VPS39: variants seen among roughly 807,000 people sequenced by gnomAD.
VPS39 encodes the protein VPS39 subunit of HOPS complex.
In VPS39, 70 loss-of-function variants were observed where a neutral mutation model predicts 121.0. The ratio of observed to expected loss-of-function variants is 0.58; its 90% CI spans 0.48 to 0.71. The LOEUF (loss-of-function observed/expected upper bound fraction) is 0.71. Ranked by LOEUF, VPS39 falls within the 30% of genes least tolerant of loss-of-function variation. VPS39 has a pLI of 0.00. For missense variants in VPS39, 818 were observed against 1,051.5 expected (o/e 0.78, Z 3.07); for synonymous variants, 378 against 398.1 (o/e 0.95, Z 0.60).
Position 42,208,235 on chromosome 15 carries a change from G to T in VPS39, c.-82C>A. On this transcript the variant is annotated 5_prime_UTR_variant, in exon 1 of 25. Coordinates refer to ENST00000318006, the MANE Select transcript of VPS39 (RefSeq NM_015289.5). ...GGGGTCCGGAACGAGTCTGGGCTAA[G>T]GGTAGACCGGGATCCGGCCAGGAAC... is the stretch of plus-strand genomic sequence containing the variant. 1 of 1,515,194 alleles carries T rather than the reference G, an allele frequency of 6.6e-7. No individual in the cohort carries two copies. The allele number at this position is 1,515,194 out of a possible 1,614,324, so 93.9% of individuals were successfully genotyped here.
In VPS39 at chr15:42,208,290, G is replaced by C; in HGVS notation, c.-137C>G. 1 of 1,141,800 alleles carries C rather than the reference G, an allele frequency of 8.8e-7. No individual in the cohort carries two copies. The highest frequency in any genetic ancestry group is 1.2e-6 in the Non-Finnish European group (1 of 819,012). The allele number at this position is 1,141,800 out of a possible 1,614,324, so 70.7% of individuals were successfully genotyped here. ...CGGCTACAGGCCCTTCAACAACACA[G>C]CCATCGTCAACCCCGGACTTCCTGC... is the stretch of plus-strand genomic sequence containing the variant. On this transcript the variant is annotated 5_prime_UTR_variant, in exon 1 of 25. Transcript: ENST00000318006.
chr15:42,187,665 G>A lies in VPS39; in HGVS notation c.441+93C>T, dbSNP rs560627176. ...ACTTCATACCAGAGTATTCATTTGC[G>A]TAGAATGACAAGACTGGAGTCCTGA... On this transcript the variant is annotated intron_variant, in intron 6 of 24. Coordinates refer to ENST00000318006, the MANE Select transcript of VPS39 (RefSeq NM_015289.5). 89 of 1,120,796 alleles carry A rather than the reference G, an allele frequency of 7.9e-5. No homozygotes were observed. The African/African-American group carries it at 9.6e-4, about 12-fold the overall frequency. The allele number at this position is 1,120,796 out of a possible 1,614,324, so 69.4% of individuals were successfully genotyped here. A position where few individuals can be genotyped will look rare whatever the true frequency, so the allele number is the denominator to read the frequency against.
At chr15:42,187,913 T>A in intron 5 of VPS39, 57 bp from the exon 6 acceptor site, 1 of 1,503,976 alleles carries the variant, frequency 6.6e-7, no homozygotes, top group Non-Finnish European at 9.3e-7. Flanking sequence ...AACTGAGTGA[T>A]AACTAAATTA....
At chr15:42,188,810 A>G (rs1230718366) in intron 5 of VPS39, among the ~76,000 whole-genome samples, 1 of 152,140 alleles carries the variant, frequency 6.6e-6, no homozygotes, top group African/African-American at 2.4e-5. Context: ...TTAAAAAAAT[A>G]CAAAAAATAG....
intron 2 of VPS39, among the ~76,000 whole-genome samples, chr15:42,191,887 G>C (rs1386965849): frequency 6.6e-6 from 1 of 152,134 alleles, no homozygotes; most frequent in African/African-American, 2.4e-5. Flanking sequence ...CACAAGGAAG[G>C]GTGTAAAAAG....
chr15:42,178,192 G>C (rs752678181), intron 10 of VPS39, 26 bp downstream of exon 10: 6 of 1,613,600 alleles, frequency 3.7e-6, no homozygotes, highest in Non-Finnish European at 5.1e-6. Context: ...AATAAGGAAG[G>C]AAGACTAGTC....
intron 12 of VPS39, among the ~76,000 whole-genome samples, chr15:42,167,751 TA>T (rs1284404727): frequency 1.3e-5 from 2 of 152,214 alleles, no homozygotes; most frequent in African/African-American, 4.8e-5. Context: ...AAGCACTTTA[TA>T]TATACCATCT....
intron 8 of VPS39, among the ~76,000 whole-genome samples, chr15:42,180,465 A>C (rs1319064565): frequency 6.6e-6 from 1 of 152,222 alleles, no homozygotes; most frequent in Non-Finnish European, 1.5e-5. Context: ...ATGCTGGATG[A>C]AGCAGAACAA....
rs1189920230 is a variant in VPS39, at chr15:42,178,328, T to C, written c.850A>G (p.Ile284Val). The C allele has an allele frequency of 1.2e-6, 2 of 1,614,174 alleles. No homozygotes were observed. Among genetic ancestry groups the C allele is most frequent in the Admixed American group, 3.3e-5 (2 of 60,030 alleles). Residue 284 changes from isoleucine (I) to valine (V), a missense_variant, in exon 10 of 25, where the codon ATC becomes GTC. By Grantham distance (29) the Ile-to-Val change is conservative (BLOSUM62 3). Coordinates refer to ENST00000318006, the MANE Select transcript of VPS39 (RefSeq NM_015289.5). ...RFITSGGSNI[I>V]YVASNHFVWR... ...ACAAAATGATTGCTGGCCACATAGATAATGTTTGATCTGGAAGCAAGAGTA... is the reference window on the plus strand; with the variant it reads ...ACAAAATGATTGCTGGCCACATAGACAATGTTTGATCTGGAAGCAAGAGTA...
At chr15:42,161,900 A>C in intron 23 of VPS39, 127 bp from the exon 24 acceptor site, 1 of 1,588,894 alleles carries the variant, frequency 6.3e-7, no homozygotes, top group East Asian at 2.2e-5. Context: ...TGGCAATTCA[A>C]TGTCAAGCTG....
At chr15:42,195,864 T>C (rs1308764739) in intron 2 of VPS39, among the ~76,000 whole-genome samples, 3 of 152,176 alleles carry the variant, frequency 2.0e-5, no homozygotes, top group Admixed American at 2.0e-4. Context: ...CATTGCCAAG[T>C]CGATCCTAAG....
chr15:42,164,220 A>C (rs2140836135), intron 19 of VPS39, 138 bp downstream of exon 19: 1 of 1,325,444 alleles, frequency 7.5e-7, no homozygotes, highest in East Asian at 2.3e-5. Flanking sequence ...CAGAGAGGAC[A>C]AAACAGGAGC....
At chr15:42,204,742 C>T (rs929630870) in intron 1 of VPS39, among the ~76,000 whole-genome samples, 6 of 152,036 alleles carry the variant, frequency 3.9e-5, no homozygotes, top group African/African-American at 9.7e-5. Context: ...AAAGCTAAAA[C>T]GACGAAAAGT....
intron 2 of VPS39, among the ~76,000 whole-genome samples, chr15:42,197,117 T>C (rs1595681634): frequency 7.4e-6 from 1 of 135,912 alleles, no homozygotes; most frequent in Non-Finnish European, 1.5e-5. Context: ...TAGGTGGGAA[T>C]TGAACAATGA....
intron 8 of VPS39, among the ~76,000 whole-genome samples, chr15:42,183,279 CGTGTTT>C (rs1424536670): frequency 2.1e-5 from 3 of 142,640 alleles, no homozygotes; most frequent in Non-Finnish European, 3.0e-5. Flanking sequence ...TTTTTTTTTT[CGTGTTT>C]GAGACGGGGT....
intron 1 of VPS39, 22 bp from the exon 2 acceptor site, chr15:42,199,983 A>G: frequency 6.4e-7 from 1 of 1,550,802 alleles, no homozygotes; most frequent in Non-Finnish European, 8.6e-7. Context: ...AAACAAAACA[A>G]AAACAAAAAC....
At position 42,190,209 on chromosome 15, in the gene VPS39, G is replaced by T. The variant is rs188757261; in HGVS notation, c.247+916C>A. ...CTTTCAAAGCTACTCACATTAGGAG[G>T]CTCCAATTAGAAAAGGGAAATCCCC... On this transcript the variant is annotated intron_variant, in intron 4 of 24. Transcript: ENST00000318006. Among the ~76,000 whole-genome samples the T allele has an allele frequency of 3.9e-5, 6 of 152,256 alleles. No individual in the cohort carries two copies. In the East Asian group the frequency reaches 1.2e-3, roughly 29 times the overall value.
At chr15:42,191,269 A>T in intron 3 of VPS39, 102 bp from the exon 4 acceptor site, 1 of 1,363,878 alleles carries the variant, frequency 7.3e-7, no homozygotes, top group Admixed American at 2.0e-5. Flanking sequence ...GAGCCTATCC[A>T]GTTACAGGGA....
chr15:42,200,330 T>C (rs1027264356), intron 1 of VPS39, among the ~76,000 whole-genome samples: 5 of 152,028 alleles, frequency 3.3e-5, no homozygotes, highest in African/African-American at 1.2e-4. Context: ...TATTAAGATA[T>C]ATATCTTCAG....
Sources: gnomAD v4.1 joint callset for allele counts (sites outside exome capture counted in the v4.1 genomes callset) on GRCh38, gnomAD v4.1.1 for gene constraint, MANE v1.5 for transcripts, NCBI Gene and HGNC (gene_info 2026-07-23, HGNC 2026-07-21) for gene names.